AMPH: variants seen among roughly 807,000 people sequenced by gnomAD.
The protein encoded by AMPH is amphiphysin.
A neutral mutation model predicts 99.1 loss-of-function variants in AMPH; 49 were observed. That is an observed-to-expected ratio of 0.49 (90% CI 0.39 to 0.63). The LOEUF is 0.63. Ranked by LOEUF, AMPH falls within the 20% of genes least tolerant of loss-of-function variation. AMPH has a pLI of 0.00. For synonymous variants in AMPH, 314 were observed against 317.3 expected, an observed-to-expected ratio of 0.99 and a Z score of 0.11; for missense variants, 759 against 863.4, an observed-to-expected ratio of 0.88 and a Z score of 1.52.
In AMPH at chr7:38,481,774, T is replaced by C. The variant is rs1170552538; in HGVS notation, c.397-4805A>G. ...ACTGCACATGGCCTGTTGATTTCAA[T>C]AGGAGGCAAGGAAGTCAACTGTGTT... On this transcript the variant is annotated intron_variant, in intron 5 of 20. Transcript: ENST00000356264. 3.9e-5 allele frequency among the ~76,000 whole-genome samples: 6 copies of C among 152,234 alleles called. 1 individual carries two copies. The highest frequency in any genetic ancestry group is 3.4e-3 in the Middle Eastern group (1 of 294).
chr7:38,418,869 G>A (rs1311791279), intron 16 of AMPH, among the ~76,000 whole-genome samples: 1 of 151,956 alleles, frequency 6.6e-6, no homozygotes. Flanking sequence ...CTTAGATCAA[G>A]GCCTTTTTAG....
intron 11 of AMPH, among the ~76,000 whole-genome samples, chr7:38,454,570 C>A (rs1157169459): frequency 2.0e-5 from 3 of 151,708 alleles, no homozygotes; most frequent in African/African-American, 7.3e-5. Flanking sequence ...CTAGCAGGAA[C>A]AGGCCTGCAA....
intron 9 of AMPH, chr7:38,464,079 G>A: frequency 2.3e-6 from 3 of 1,289,744 alleles, no homozygotes; most frequent in Non-Finnish European, 3.0e-6. Context: ...ATGCCACTGA[G>A]CTCACTCACC....
At chr7:38,430,464 A>AG (rs1794476186) in intron 13 of AMPH, among the ~76,000 whole-genome samples, 1 of 152,222 alleles carries the variant, frequency 6.6e-6, no homozygotes, top group East Asian at 1.9e-4. Flanking sequence ...ATGTTCAGAA[A>AG]GCTGTTGTTT....
At chr7:38,492,836 T>C (rs1408631775) in intron 4 of AMPH, among the ~76,000 whole-genome samples, 1 of 152,242 alleles carries the variant, frequency 6.6e-6, no homozygotes, top group Non-Finnish European at 1.5e-5. Flanking sequence ...AAGTTTCTAT[T>C]ATTTCCTTAA....
intron 2 of AMPH, among the ~76,000 whole-genome samples, chr7:38,504,461 C>T (rs1194922175): frequency 6.6e-6 from 1 of 152,120 alleles, no homozygotes; most frequent in Admixed American, 6.5e-5. Context: ...CAAAGAAATG[C>T]CAATAGGAGA....
chr7:38,422,572 A>ATCTG (rs1785620374), intron 15 of AMPH, 95 bp from the exon 16 acceptor site: 1 of 701,216 alleles, frequency 1.4e-6, no homozygotes, highest in Non-Finnish European at 2.4e-6. Flanking sequence ...CTATCTATCT[A>ATCTG]TCTATCTATC....
chr7:38,463,298 C>A, intron 9 of AMPH, 185 bp from the exon 10 acceptor site: 1 of 753,656 alleles, frequency 1.3e-6, no homozygotes, highest in Non-Finnish European at 2.3e-6. Flanking sequence ...TTTATTTGCA[C>A]TACAGAGACC....
intron 1 of AMPH, among the ~76,000 whole-genome samples, chr7:38,547,832 C>T (rs1245689089): frequency 6.6e-6 from 1 of 152,074 alleles, no homozygotes; most frequent in Non-Finnish European, 1.5e-5. Flanking sequence ...CAAACAGTTG[C>T]ATTCTTTTGA....
chr7:38,563,257 AAGG>A (rs34212659), intron 1 of AMPH, among the ~76,000 whole-genome samples: 51,937 of 151,870 alleles, frequency 0.34, 9,270 homozygotes, highest in Non-Finnish European at 0.41. Context: ...AGTCTTCTGT[AAGG>A]AGAAGACTCT....
At position 38,576,320 on chromosome 7, in the gene AMPH, TC is replaced by T. The variant is rs1477827980; in HGVS notation, c.70-41310del. 2.0e-5 allele frequency among the ~76,000 whole-genome samples: 3 copies of T among 152,334 alleles called. No individual in the cohort carries two copies. The East Asian group carries it at 5.8e-4, about 29-fold the overall frequency. On this transcript the variant is annotated intron_variant, in intron 1 of 20. Transcript: ENST00000356264. ...TCATGCTTATAATTCTTTTTATTGG[TC>T]CTCTTAGTTTATATCCCCAGGGCAG...
At chr7:38,462,656 G>C (rs2129008694) in intron 10 of AMPH, among the ~76,000 whole-genome samples, 1 of 152,278 alleles carries the variant, frequency 6.6e-6, no homozygotes, top group Middle Eastern at 3.4e-3. Context: ...TCATGCAGAG[G>C]TAGGATTTAA....
At chr7:38,426,791 T>C (rs770874410) in intron 15 of AMPH, among the ~76,000 whole-genome samples, 163 bp downstream of exon 15, 5 of 152,236 alleles carry the variant, frequency 3.3e-5, no homozygotes, top group Non-Finnish European at 7.3e-5. Context: ...ACAATGTTGC[T>C]ACTATTCTGT....
At chr7:38,630,715 G>A (rs1794422935) in intron 1 of AMPH, among the ~76,000 whole-genome samples, 3 of 152,210 alleles carry the variant, frequency 2.0e-5, no homozygotes, top group Non-Finnish European at 4.4e-5. Flanking sequence ...ACAGCACTGT[G>A]TGATCACGAT....
At chr7:38,607,519 G>A (rs1793475164) in intron 1 of AMPH, among the ~76,000 whole-genome samples, 1 of 152,218 alleles carries the variant, frequency 6.6e-6, no homozygotes, top group East Asian at 1.9e-4. Flanking sequence ...GTCAACAGCA[G>A]GAGGGTGACA....
intron 17 of AMPH, among the ~76,000 whole-genome samples, chr7:38,397,320 G>A (rs79798662): frequency 0.058 from 8,835 of 152,238 alleles, 357 homozygotes; most frequent in East Asian, 0.19. Flanking sequence ...TGCCACAGGT[G>A]ATTTTTTAAA....
intron 17 of AMPH, among the ~76,000 whole-genome samples, chr7:38,406,728 T>TCTCTCTCTCTCTCTCTCTC: frequency 3.7e-5 from 2 of 53,982 alleles, no homozygotes; most frequent in East Asian, 9.2e-4. Flanking sequence ...CTCTCTCCCT[T>TCTCTCTCTCTCTCTCTCTC]TCCCTCTCTC....
intron 14 of AMPH, 72 bp from the exon 15 acceptor site, chr7:38,427,058 T>C (rs775699955): frequency 3.3e-5 from 46 of 1,379,708 alleles, no homozygotes; most frequent in Non-Finnish European, 4.5e-5. Context: ...AAATATCCAT[T>C]AGACAAGTTG....
intron 2 of AMPH, among the ~76,000 whole-genome samples, chr7:38,532,063 T>C (rs1392890392): frequency 2.0e-5 from 3 of 152,170 alleles, no homozygotes; most frequent in African/African-American, 7.2e-5. Flanking sequence ...CCAATACATA[T>C]TGGGGGTAAG....
Sources: allele counts gnomAD v4.1 joint callset (sites outside exome capture counted in the v4.1 genomes callset), GRCh38; gene constraint gnomAD v4.1.1; transcripts MANE v1.5; gene names NCBI Gene and HGNC (gene_info 2026-07-23, HGNC 2026-07-21).